GNL3L: variants seen among roughly 807,000 people sequenced by gnomAD.
GNL3L encodes the protein G protein nucleolar 3 like.
In GNL3L, 4 loss-of-function variants were observed where a neutral mutation model predicts 42.9. The observed-to-expected ratio is 0.09, with a 90% CI of 0.05 to 0.21. The LOEUF (loss-of-function observed/expected upper bound fraction) is 0.21, where lower values mean the gene tolerates loss of function less well. Ranked by LOEUF, GNL3L falls within the 10% of genes least tolerant of loss-of-function variation. The pLI is 1.00. For synonymous variants in GNL3L, 159 were observed against 176.3 expected, an observed-to-expected ratio of 0.90 and a Z score of 0.78; for missense variants, 412 against 481.7, an observed-to-expected ratio of 0.86 and a Z score of 1.36.
intron 14 of GNL3L, 34 bp downstream of exon 14, chrX:54,554,726 C>T: frequency 8.5e-7 from 1 of 1,181,118 alleles, no homozygotes; most frequent in Non-Finnish European, 1.2e-6. Context: ...CAACCCTCTT[C>T]TCTCCCCAGG....
intron 16 of GNL3L, among the ~76,000 whole-genome samples, chrX:54,599,940 G>T (rs1925982474): frequency 9.1e-6 from 1 of 109,912 alleles, no homozygotes; most frequent in Non-Finnish European, 1.9e-5. Flanking sequence ...ATTTGTAGAG[G>T]CTTTATATTT....
At chrX:54,536,561 A>G (rs1924430906) in intron 2 of GNL3L, among the ~76,000 whole-genome samples, 1 of 109,383 alleles carries the variant, frequency 9.1e-6, no homozygotes, top group Admixed American at 9.8e-5. Context: ...AAGGCGAGCC[A>G]ATGACTTGAG....
intron 16 of GNL3L, among the ~76,000 whole-genome samples, chrX:54,597,254 G>T (rs1310722547): frequency 9.0e-6 from 1 of 111,009 alleles, no homozygotes; most frequent in African/African-American, 3.3e-5. Context: ...CCATTAGCAG[G>T]TGATTAATGG....
At chrX:54,533,828 A>G (rs769117699) in intron 2 of GNL3L, among the ~76,000 whole-genome samples, 59 of 110,915 alleles carry the variant, frequency 5.3e-4, no homozygotes, top group Non-Finnish European at 8.7e-4. Context: ...AACATCTAAT[A>G]CTAGATGATA....
chrX:54,535,829 C>A (rs1924405171), intron 2 of GNL3L, among the ~76,000 whole-genome samples: 1 of 111,620 alleles, frequency 9.0e-6, no homozygotes, highest in Non-Finnish European at 1.9e-5. Context: ...CAGGTGTGAT[C>A]ATGGCTCACC....
At chrX:54,542,900 T>C in intron 5 of GNL3L, 55 bp from the exon 6 acceptor site, 1 of 754,249 alleles carries the variant, frequency 1.3e-6, no homozygotes, top group Non-Finnish European at 2.1e-6. Context: ...CTGCTTCTCT[T>C]TCTCGCTCTC....
chrX:54,555,751 G>A (rs181513672), intron 14 of GNL3L, among the ~76,000 whole-genome samples: 1 of 105,165 alleles, frequency 9.5e-6, no homozygotes, highest in East Asian at 3.0e-4. Flanking sequence ...AAAGTGCTGG[G>A]ATTACAGGCA....
intron 16 of GNL3L, among the ~76,000 whole-genome samples, chrX:54,579,229 T>C (rs1268363627): frequency 8.9e-6 from 1 of 111,975 alleles, no homozygotes; most frequent in Non-Finnish European, 1.9e-5. Flanking sequence ...TGTTGAACTT[T>C]ATCTTTTTTT....
exon 17 of GNL3L, among the ~76,000 whole-genome samples, chrX:54,621,351 C>T (rs1926284576): frequency 9.0e-6 from 1 of 111,638 alleles, no homozygotes; most frequent in South Asian, 3.8e-4. Context: ...GTCAACAGCT[C>T]AGTTGAGCTC....
intron 16 of GNL3L, among the ~76,000 whole-genome samples, chrX:54,580,398 A>G (rs1925698621): frequency 9.1e-6 from 1 of 110,209 alleles, no homozygotes; most frequent in Non-Finnish European, 1.9e-5. Context: ...CCAGTCTATC[A>G]TTGATGGACA....
At chrX:54,600,260 C>T (rs1161695954) in intron 16 of GNL3L, among the ~76,000 whole-genome samples, 3 of 73,374 alleles carry the variant, frequency 4.1e-5, no homozygotes, top group Non-Finnish European at 5.0e-5. Context: ...GAGTTTTGCC[C>T]TTGTTGCCCA....
chrX:54,540,185 T>G lies in GNL3L; in HGVS notation c.132T>G (p.Pro44=), dbSNP rs1436079583. ...CAACCTCCAAAGTGCCCTCTGCACC[T>G]CATTTTGTTCACCCCAATGATCATG... ...KKATSKVPSA[P]HFVHPNDHAN... The change falls in exon 4 of 16, where the codon CCT becomes CCG. Residue 44 remains proline (P), a synonymous_variant. Transcript: ENST00000360845. 8.3e-7 allele frequency: 1 copy of G among 1,207,803 alleles called. No homozygotes were observed. The highest frequency in any genetic ancestry group is 2.2e-5 in the Admixed American group (1 of 45,984).
At chrX:54,548,504 A>G in intron 9 of GNL3L, 131 bp downstream of exon 9, 1 of 518,883 alleles carries the variant, frequency 1.9e-6, no homozygotes, top group Non-Finnish European at 3.2e-6. Context: ...GGGTTTCGTG[A>G]TTTGTAACTT....
In GNL3L at chrX:54,544,310, A is replaced by G; in HGVS notation, c.614A>G (p.His205Arg). The G allele has an allele frequency of 8.7e-7, 1 of 1,143,647 alleles. No homozygotes were observed. Among genetic ancestry groups the G allele is most frequent in the South Asian group, 1.8e-5 (1 of 54,601 alleles). The allele number at this position is 1,143,647 out of a possible 1,213,427, so 94.2% of individuals were successfully genotyped here. A position where few individuals can be genotyped will look rare whatever the true frequency, so the allele number is the denominator to read the frequency against. Residue 205 changes from histidine to arginine, a missense_variant, in exon 8 of 16, where the codon CAT (histidine) becomes CGT (arginine). Physicochemically the swap from His to Arg is conservative, Grantham distance 29. Coordinates refer to ENST00000360845, the MANE Select transcript of GNL3L (RefSeq NM_001184819.2). ...GTGGCTTTCAAGGCCAGTACCCAGC[A>G]TCAGGTCAAAAACCTGGTAAGCCTG... is the stretch of plus-strand genomic sequence containing the variant. ...PTVAFKASTQ[H>R]QVKNLNRCSV...
At chrX:54,568,624 G>A (rs1442224398), downstream of GNL3L, among the ~76,000 whole-genome samples, 1 of 106,612 alleles carries the variant, frequency 9.4e-6, no homozygotes, top group Non-Finnish European at 1.9e-5. Context: ...CACGATCTCC[G>A]CTCACTGCAA....
rs6614253 is a variant in GNL3L at position 54,539,386 on chromosome X, G to A, written c.81+285G>A. 1.9e-4 allele frequency among the ~76,000 whole-genome samples: 21 copies of A among 111,521 alleles called. No homozygotes were observed. The East Asian group carries it at 5.6e-3, about 30-fold the overall frequency. On this transcript the variant is annotated intron_variant, in intron 3 of 15. Coordinates refer to ENST00000360845, the MANE Select transcript of GNL3L (RefSeq NM_001184819.2). ...AGAAAGTTCCTAGGTTCAAGGTAAC[G>A]CAACTGGGATTTGAGACTGTCTGAT...
intron 16 of GNL3L, among the ~76,000 whole-genome samples, chrX:54,606,229 C>G (rs1209010169): frequency 9.0e-6 from 1 of 111,085 alleles, no homozygotes; most frequent in African/African-American, 3.3e-5. Flanking sequence ...GTAGAGTATA[C>G]GCATATAATG....
At chrX:54,555,775 C>T (rs1229738352) in intron 14 of GNL3L, among the ~76,000 whole-genome samples, 1 of 107,632 alleles carries the variant, frequency 9.3e-6, no homozygotes, top group Non-Finnish European at 1.9e-5. Context: ...GCCACTGCAC[C>T]TGGCCGTGTC....
intron 4 of GNL3L, 99 bp from the exon 5 acceptor site, chrX:54,541,174 A>G (rs1037365934): frequency 9.3e-6 from 5 of 538,324 alleles, no homozygotes; most frequent in Non-Finnish European, 1.6e-5. Context: ...TGCTCCTGCC[A>G]CCTCTGCCAT....
Sources: allele counts gnomAD v4.1 joint callset (sites outside exome capture counted in the v4.1 genomes callset), GRCh38; gene constraint gnomAD v4.1.1; transcripts MANE v1.5; gene names NCBI Gene and HGNC (gene_info 2026-07-23, HGNC 2026-07-21).